CHMP4B: variants seen among roughly 807,000 people sequenced by gnomAD.
CHMP4B encodes the protein SNF7 homolog associated with Alix 1.
A neutral mutation model predicts 25.1 loss-of-function variants in CHMP4B; 1 was observed. That is an observed-to-expected ratio of 0.04 (90% CI 0.01 to 0.19). The LOEUF (loss-of-function observed/expected upper bound fraction) is 0.19, where lower values mean the gene tolerates loss of function less well. Ranked by LOEUF, CHMP4B falls within the 10% of genes least tolerant of loss-of-function variation. CHMP4B has a pLI of 1.00. For missense variants in CHMP4B, 151 were observed against 289.7 expected (o/e 0.52, Z 3.48); for synonymous variants, 101 against 115.6 (o/e 0.87, Z 0.81).
intron 4 of CHMP4B, among the ~76,000 whole-genome samples, chr20:33,852,682 A>G (rs1328402371): frequency 5.3e-5 from 8 of 152,198 alleles, no homozygotes; most frequent in Non-Finnish European, 2.9e-5. Flanking sequence ...TAAAGAAGAG[A>G]AAGTTCCAGG....
intron 1 of CHMP4B, among the ~76,000 whole-genome samples, chr20:33,815,283 CATT>C (rs1252274117): frequency 6.6e-6 from 1 of 152,152 alleles, no homozygotes; most frequent in Non-Finnish European, 1.5e-5. Flanking sequence ...TTGCCATTAT[CATT>C]ATTACAAGGA....
intron 1 of CHMP4B, among the ~76,000 whole-genome samples, chr20:33,842,339 C>A (rs185745249): frequency 2.6e-5 from 4 of 152,296 alleles, no homozygotes; most frequent in Admixed American, 2.0e-4. Flanking sequence ...CTTGCCCATA[C>A]ACACAGGGCA....
chr20:33,812,292 G>C (rs954219319), intron 1 of CHMP4B, among the ~76,000 whole-genome samples: 2 of 152,180 alleles, frequency 1.3e-5, no homozygotes, highest in South Asian at 2.1e-4. Context: ...TTCGGCCTCT[G>C]TTGAGGCCTA....
At chr20:33,826,143 G>C (rs1055820878) in intron 1 of CHMP4B, among the ~76,000 whole-genome samples, 1 of 152,148 alleles carries the variant, frequency 6.6e-6, no homozygotes. Context: ...GCCTACCATT[G>C]GTATTCAGTC....
chr20:33,853,420 C>T (rs1979909753), intron 4 of CHMP4B, 76 bp from the exon 5 acceptor site: 3 of 1,367,550 alleles, frequency 2.2e-6, no homozygotes, highest in East Asian at 4.6e-5. Context: ...CCATGGAGCA[C>T]AGGCAGCCCT....
chr20:33,836,901 C>T (rs537385554), intron 1 of CHMP4B, among the ~76,000 whole-genome samples: 192 of 152,190 alleles, frequency 1.3e-3, no homozygotes, highest in African/African-American at 4.1e-3. Context: ...TCTTGGGCTA[C>T]GGATAAATCT....
chr20:33,831,495 G>C (rs1457246100), intron 1 of CHMP4B, among the ~76,000 whole-genome samples: 1 of 152,224 alleles, frequency 6.6e-6, no homozygotes, highest in Non-Finnish European at 1.5e-5. Flanking sequence ...CTCCCAAAGT[G>C]CTGGGATTAC....
rs569130972 is a variant in CHMP4B at position 33,838,316 on chromosome 20, G to A, written c.191-10151G>A. ...ATTAGTGTCAGGTGTTACAGGGACTGGTCAGGACATGTAAATGAGTAATGT... is the reference window on the plus strand; with the variant it reads ...ATTAGTGTCAGGTGTTACAGGGACTAGTCAGGACATGTAAATGAGTAATGT... On this transcript the variant is annotated intron_variant, in intron 1 of 4. Coordinates refer to ENST00000217402, the MANE Select transcript of CHMP4B (RefSeq NM_176812.5). 7.9e-5 allele frequency among the ~76,000 whole-genome samples: 12 copies of A among 152,298 alleles called. No homozygotes were observed. In the South Asian group the frequency reaches 2.5e-3, roughly 32 times the overall value.
chr20:33,828,815 C>T (rs1979164794), intron 1 of CHMP4B, among the ~76,000 whole-genome samples: 1 of 151,176 alleles, frequency 6.6e-6, no homozygotes, highest in African/African-American at 2.4e-5. Context: ...AGATAAGTCT[C>T]AGGTGACACC....
intron 1 of CHMP4B, among the ~76,000 whole-genome samples, chr20:33,837,071 G>A (rs1034814947): frequency 5.9e-5 from 9 of 152,098 alleles, no homozygotes; most frequent in African/African-American, 2.2e-4. Flanking sequence ...TTATTGTCAG[G>A]ATTAAATACA....
chr20:33,829,999 C>T (rs918196165), intron 1 of CHMP4B, among the ~76,000 whole-genome samples: 18 of 152,250 alleles, frequency 1.2e-4, no homozygotes, highest in Non-Finnish European at 2.9e-5. Context: ...CCCATTCCCC[C>T]ACTCCCATTT....
At chr20:33,825,646 G>A (rs1979074809) in intron 1 of CHMP4B, among the ~76,000 whole-genome samples, 1 of 152,184 alleles carries the variant, frequency 6.6e-6, no homozygotes. Flanking sequence ...GGGCATTTGT[G>A]ATAAAAGAAG....
intron 1 of CHMP4B, among the ~76,000 whole-genome samples, chr20:33,833,864 T>C (rs1406080177): frequency 6.6e-6 from 1 of 152,246 alleles, no homozygotes; most frequent in Non-Finnish European, 1.5e-5. Context: ...TCTGCTGGCC[T>C]GTGAATTCCT....
rs959056186 is a variant in CHMP4B, at chr20:33,853,789, A to G, written c.*229A>G. 13 of 524,800 alleles carry G rather than the reference A, an allele frequency of 2.5e-5. No homozygotes were observed. Among genetic ancestry groups the G allele is most frequent in the Non-Finnish European group, 4.5e-5 (13 of 289,322 alleles). 32.5% of individuals were successfully genotyped at this position (524,800 alleles called of 1,614,324 possible). ...GCGGGGTGGGAAGTGCCTGCTGTTT[A>G]TAATGTTGAATTTCTGTAAAATAAA... On this transcript the variant is annotated 3_prime_UTR_variant, in exon 5 of 5. Coordinates refer to ENST00000217402, the MANE Select transcript of CHMP4B (RefSeq NM_176812.5).
intron 3 of CHMP4B, 95 bp from the exon 4 acceptor site, chr20:33,851,982 G>C (rs920209556): frequency 2.0e-6 from 3 of 1,524,556 alleles, no homozygotes; most frequent in Middle Eastern, 2.3e-4. Flanking sequence ...TCTCAGAGGG[G>C]TGTGTGTCTC....
intron 1 of CHMP4B, among the ~76,000 whole-genome samples, chr20:33,835,106 A>G (rs992453920): frequency 6.6e-6 from 1 of 152,148 alleles, no homozygotes; most frequent in Non-Finnish European, 1.5e-5. Context: ...TATGATTCCT[A>G]ATTATTAAAT....
At chr20:33,830,761 G>C (rs1979216794) in intron 1 of CHMP4B, among the ~76,000 whole-genome samples, 1 of 152,054 alleles carries the variant, frequency 6.6e-6, no homozygotes, top group East Asian at 1.9e-4. Context: ...GGGGATACAG[G>C]TCAGTCCATA....
chr20:33,840,887 G>T (rs1001468979), intron 1 of CHMP4B, among the ~76,000 whole-genome samples: 1 of 152,172 alleles, frequency 6.6e-6, no homozygotes, highest in Non-Finnish European at 1.5e-5. Context: ...TTGTTATCAT[G>T]AGGGTTATTA....
intron 1 of CHMP4B, among the ~76,000 whole-genome samples, chr20:33,840,595 A>G (rs187048339): frequency 1.3e-5 from 2 of 152,284 alleles, no homozygotes; most frequent in Admixed American, 6.5e-5. Context: ...GGGGTTGATG[A>G]AGCTGGCATT....
Sources: gnomAD v4.1 joint callset for allele counts (sites outside exome capture counted in the v4.1 genomes callset) on GRCh38, gnomAD v4.1.1 for gene constraint, MANE v1.5 for transcripts, NCBI Gene and HGNC (gene_info 2026-07-23, HGNC 2026-07-21) for gene names.